Variants in RIT2 observed in about 807,000 individuals in gnomAD.
RIT2 encodes Ras like without CAAX 2.
A neutral mutation model predicts 23.7 loss-of-function variants in RIT2; 24 were observed. That is an observed-to-expected ratio of 1.01 (90% CI 0.73 to 1.43). The LOEUF (loss-of-function observed/expected upper bound fraction) is 1.43. Ranked by LOEUF, RIT2 falls within the 40% of genes most tolerant of loss-of-function variation. RIT2 has a pLI of 0.00. For synonymous variants in RIT2, 107 were observed against 91.1 expected, an observed-to-expected ratio of 1.17 and a Z score of -0.99; for missense variants, 236 against 266.9, an observed-to-expected ratio of 0.88 and a Z score of 0.81.
chr18:42,796,019 G>T (rs1905339727), intron 4 of RIT2, among the ~76,000 whole-genome samples: 2 of 152,122 alleles, frequency 1.3e-5, no homozygotes, highest in African/African-American at 4.8e-5. Flanking sequence ...TGTGGGTGGG[G>T]CCAGATAAGA....
intron 4 of RIT2, among the ~76,000 whole-genome samples, chr18:42,828,501 T>A (rs1338099961): frequency 6.6e-6 from 1 of 152,252 alleles, no homozygotes; most frequent in South Asian, 2.1e-4. Flanking sequence ...ATAGGTGGCA[T>A]GTAGCCCTTC....
chr18:42,979,042 T>G (rs1175346461), intron 2 of RIT2, among the ~76,000 whole-genome samples: 3 of 152,168 alleles, frequency 2.0e-5, no homozygotes, highest in Non-Finnish European at 4.4e-5. Flanking sequence ...AAATTAAAAC[T>G]AAATTATTTC....
At chr18:42,890,878 G>A (rs748631369) in intron 4 of RIT2, among the ~76,000 whole-genome samples, 9 of 151,934 alleles carry the variant, frequency 5.9e-5, no homozygotes, top group Non-Finnish European at 1.2e-4. Context: ...ACAGTTGATC[G>A]GCATATAATT....
intron 4 of RIT2, among the ~76,000 whole-genome samples, chr18:42,854,117 T>C (rs1294865014): frequency 6.6e-6 from 1 of 152,212 alleles, no homozygotes; most frequent in Non-Finnish European, 1.5e-5. Context: ...AAATATGATG[T>C]AAACTCCTTG....
intron 4 of RIT2, among the ~76,000 whole-genome samples, chr18:42,882,386 T>C (rs1482252774): frequency 6.6e-6 from 1 of 152,206 alleles, no homozygotes; most frequent in Admixed American, 6.5e-5. Flanking sequence ...AAATAAGTCA[T>C]CCTTGTAGCA....
At position 42,901,790 on chromosome 18, in the gene RIT2, G is replaced by T. The variant is rs1221190063; in HGVS notation, c.426+21782C>A. 2.0e-5 allele frequency among the ~76,000 whole-genome samples: 3 copies of T among 151,926 alleles called. No individual in the cohort carries two copies. In the East Asian group the frequency reaches 5.8e-4, roughly 29 times the overall value. ...AAGTTTATTGGCGTGGCTTTAGATT[G>T]CACATTGTAACTATTTTTTTAAGCA... is the stretch of plus-strand genomic sequence containing the variant. On this transcript the variant is annotated intron_variant, in intron 4 of 4. Coordinates refer to ENST00000326695, the MANE Select transcript of RIT2 (RefSeq NM_002930.4).
At chr18:43,045,068 T>C (rs1912215122) in intron 1 of RIT2, among the ~76,000 whole-genome samples, 1 of 152,176 alleles carries the variant, frequency 6.6e-6, no homozygotes, top group African/African-American at 2.4e-5. Flanking sequence ...TCACTAATAT[T>C]TTCTCAAGTA....
chr18:43,023,124 T>A lies in RIT2; in HGVS notation c.160+10687A>T, dbSNP rs139257996. Among the ~76,000 whole-genome samples, 378 of 152,172 alleles carry A rather than the reference T, an allele frequency of 2.5e-3. 1 individual carries two copies. The highest frequency in any genetic ancestry group is 8.5e-3 in the African/African-American group (355 of 41,564). On this transcript the variant is annotated intron_variant, in intron 2 of 4. Transcript: ENST00000326695. ...GATTCAATACCAAACAGGCAAGTCA[T>A]ATTTTCCCATGTAAGACAGCTGTCA... is the stretch of plus-strand genomic sequence containing the variant.
intron 4 of RIT2, among the ~76,000 whole-genome samples, chr18:42,804,684 C>G (rs10502798): frequency 0.056 from 8,522 of 151,990 alleles, 744 homozygotes; most frequent in African/African-American, 0.19. Context: ...GCCTTGGTCC[C>G]GAAAGTAAGT....
chr18:42,984,746 A>G (rs1299970834), intron 2 of RIT2, among the ~76,000 whole-genome samples: 1 of 152,120 alleles, frequency 6.6e-6, no homozygotes, highest in East Asian at 1.9e-4. Flanking sequence ...TTCAAAAAGC[A>G]TATTAGAAAA....
intron 4 of RIT2, among the ~76,000 whole-genome samples, chr18:42,813,127 A>G (rs1462348534): frequency 6.6e-6 from 1 of 152,220 alleles, no homozygotes; most frequent in East Asian, 1.9e-4. Flanking sequence ...CAAACTTGCA[A>G]AAAATCATTG....
intron 2 of RIT2, among the ~76,000 whole-genome samples, chr18:43,011,251 T>C (rs1035679999): frequency 6.6e-6 from 1 of 151,688 alleles, no homozygotes; most frequent in Non-Finnish European, 1.5e-5. Flanking sequence ...TAAGGAATAA[T>C]GTGCAATCAG....
At chr18:42,890,880 C>T (rs77570245) in intron 4 of RIT2, among the ~76,000 whole-genome samples, 15,653 of 152,046 alleles carry the variant, frequency 0.1, 949 homozygotes, top group Middle Eastern at 0.24. Context: ...AGTTGATCGG[C>T]ATATAATTCT....
rs1163618199 is a variant in RIT2 at position 43,057,060 on chromosome 18, TG to T, written c.104-23194del. Among the ~76,000 whole-genome samples the T allele has an allele frequency of 1.9e-4, 14 of 73,780 alleles. No homozygotes were observed. The South Asian group carries it at 7.0e-3, about 37-fold the overall frequency. The allele number at this position is 73,780 out of a possible 152,430, so 48.4% of individuals were successfully genotyped here. A position where few individuals can be genotyped will look rare whatever the true frequency, so the allele number is the denominator to read the frequency against. On this transcript the variant is annotated intron_variant, in intron 1 of 4. Transcript: ENST00000326695. ...GTCTAACCATTAGTCGGGCGGGGGGTGGGGGGAAGTATAAAAATGTAGGTTG... is the reference window on the plus strand; with the variant it reads ...GTCTAACCATTAGTCGGGCGGGGGGTGGGGGAAGTATAAAAATGTAGGTTG...
intron 4 of RIT2, among the ~76,000 whole-genome samples, chr18:42,801,560 T>C (rs1333042998): frequency 1.3e-5 from 2 of 152,150 alleles, no homozygotes; most frequent in Non-Finnish European, 2.9e-5. Context: ...TTACAAAATG[T>C]GAAAAATTTG....
intron 4 of RIT2, among the ~76,000 whole-genome samples, chr18:42,866,433 C>T (rs1907471510): frequency 6.6e-6 from 1 of 152,048 alleles, no homozygotes. Flanking sequence ...CTCCTTCTTG[C>T]AGTCTCTTAA....
At chr18:43,084,748 G>A (rs916004686) in intron 1 of RIT2, among the ~76,000 whole-genome samples, 1 of 152,106 alleles carries the variant, frequency 6.6e-6, no homozygotes, top group African/African-American at 2.4e-5. Flanking sequence ...GGGGACTAGG[G>A]GAGGGATAGC....
At chr18:43,046,926 G>A (rs974666427) in intron 1 of RIT2, among the ~76,000 whole-genome samples, 4 of 151,798 alleles carry the variant, frequency 2.6e-5, no homozygotes, top group Non-Finnish European at 4.4e-5. Context: ...AGCTCTTCAG[G>A]GTGCTCAGTA....
intron 4 of RIT2, among the ~76,000 whole-genome samples, chr18:42,778,535 T>C (rs1287114231): frequency 1.3e-5 from 2 of 152,164 alleles, no homozygotes; most frequent in African/African-American, 4.8e-5. Context: ...AAATATATTT[T>C]AACAGAAAAA....
Sources: gnomAD v4.1 joint callset for allele counts (sites outside exome capture counted in the v4.1 genomes callset) on GRCh38, gnomAD v4.1.1 for gene constraint, MANE v1.5 for transcripts, NCBI Gene and HGNC (gene_info 2026-07-23, HGNC 2026-07-21) for gene names.